The following LDLRAD4 variants were observed in gnomAD, a reference collection of about 807,000 sequenced individuals.
LDLRAD4 encodes low density lipoprotein receptor class A domain containing 4, also known as low-density lipoprotein receptor class A domain-containing protein 4.
LDLRAD4 carries 5 observed loss-of-function variants against 17.0 expected under a neutral mutation model. The observed-to-expected ratio is 0.29, with a 90% CI of 0.15 to 0.62. The LOEUF (loss-of-function observed/expected upper bound fraction) is 0.62. Ranked by LOEUF, LDLRAD4 falls within the 20% of genes least tolerant of loss-of-function variation. LDLRAD4 has a pLI of 0.84. For synonymous variants in LDLRAD4, 168 were observed against 171.8 expected, an observed-to-expected ratio of 0.98 and a Z score of 0.17; for missense variants, 340 against 424.7, an observed-to-expected ratio of 0.80 and a Z score of 1.75.
At chr18:13,415,805 A>C (rs1218032408) in intron 2 of LDLRAD4, among the ~76,000 whole-genome samples, 2 of 152,180 alleles carry the variant, frequency 1.3e-5, no homozygotes, top group Non-Finnish European at 2.9e-5. Flanking sequence ...CCCAGCAGGC[A>C]TCAGGGTGGG....
intron 3 of LDLRAD4, among the ~76,000 whole-genome samples, chr18:13,609,522 T>TGTGTGC (rs1307553995): frequency 1.5e-5 from 1 of 68,510 alleles, no homozygotes; most frequent in African/African-American, 4.8e-5. Context: ...ATTATGCGTG[T>TGTGTGC]GTGTGTGCGT....
intron 4 of LDLRAD4, among the ~76,000 whole-genome samples, chr18:13,637,871 CAAA>C (rs555640548): frequency 7.0e-5 from 5 of 71,644 alleles, no homozygotes; most frequent in Admixed American, 1.5e-4. Flanking sequence ...GTCTCAACAA[CAAA>C]AAAAAAAAAA....
chr18:13,218,572 G>C (rs992054493), upstream of LDLRAD4, among the ~76,000 whole-genome samples: 3 of 152,152 alleles, frequency 2.0e-5, no homozygotes, highest in Admixed American at 2.0e-4. Context: ...GGACCTGACC[G>C]GGGAGTTTGC....
intron 3 of LDLRAD4, chr18:13,521,291 T>G (rs1291454574): frequency 6.6e-6 from 1 of 152,154 alleles, no homozygotes; most frequent in East Asian, 1.9e-4. Flanking sequence ...TTTGCAAAAT[T>G]TGGTTGAGAA....
chr18:13,377,250 C>T (rs1053563102), intron 1 of LDLRAD4, among the ~76,000 whole-genome samples: 1 of 152,208 alleles, frequency 6.6e-6, no homozygotes, highest in African/African-American at 2.4e-5. Context: ...CTTCAGACAT[C>T]GGCTGAAATA....
At chr18:13,460,531 T>C (rs1419930674) in intron 3 of LDLRAD4, among the ~76,000 whole-genome samples, 1 of 152,280 alleles carries the variant, frequency 6.6e-6, no homozygotes, top group Non-Finnish European at 1.5e-5. Flanking sequence ...AGTGGACCCA[T>C]GTCATCTGAC....
At chr18:13,342,908 T>G (rs987855539) in intron 1 of LDLRAD4, among the ~76,000 whole-genome samples, 2 of 152,090 alleles carry the variant, frequency 1.3e-5, no homozygotes, top group Non-Finnish European at 2.9e-5. Context: ...TCTGTTTTTC[T>G]TATAGCTTTT....
chr18:13,561,178 C>A (rs558514654), intron 3 of LDLRAD4, among the ~76,000 whole-genome samples: 1 of 152,116 alleles, frequency 6.6e-6, no homozygotes, highest in Non-Finnish European at 1.5e-5. Flanking sequence ...TCAGGTTCCA[C>A]GTTTGAAAGG....
At chr18:13,620,889 AT>A in intron 3 of LDLRAD4, 1 of 587,910 alleles carries the variant, frequency 1.7e-6, no homozygotes, top group Non-Finnish European at 3.0e-6. Context: ...GTGGTGGGGG[AT>A]GGCAGAGGCT....
At chr18:13,273,708 A>G (rs973660225), upstream of LDLRAD4, among the ~76,000 whole-genome samples, 8 of 152,194 alleles carry the variant, frequency 5.3e-5, no homozygotes, top group African/African-American at 1.9e-4. Flanking sequence ...TGCCCAAACA[A>G]ATTTCCCATC....
intron 1 of LDLRAD4, among the ~76,000 whole-genome samples, chr18:13,254,093 C>T (rs909557913): frequency 2.6e-5 from 4 of 152,350 alleles, no homozygotes; most frequent in Middle Eastern, 3.4e-3. Flanking sequence ...GCATAAGCCC[C>T]GGCGAGATTC....
At position 13,399,568 on chromosome 18, in the gene LDLRAD4, G is replaced by T. The variant is rs1157736044; in HGVS notation, c.40+11806G>T. Among the ~76,000 whole-genome samples the T allele has an allele frequency of 2.0e-5, 3 of 152,286 alleles. No homozygotes were observed. In the East Asian group the frequency reaches 5.8e-4, roughly 29 times the overall value. Reference sequence around the variant, plus strand: ...TGGCAACAGGCAGTTGTTAGCCATCGACTCACTTTATTGACCAAACTTGGC... The same window carrying T: ...TGGCAACAGGCAGTTGTTAGCCATCTACTCACTTTATTGACCAAACTTGGC... On this transcript the variant is annotated intron_variant, in intron 2 of 5. Transcript: ENST00000359446.
intron 1 of LDLRAD4, among the ~76,000 whole-genome samples, chr18:13,265,675 C>T (rs928348858): frequency 2.6e-5 from 4 of 152,188 alleles, no homozygotes; most frequent in Non-Finnish European, 5.9e-5. Context: ...TCCCCAGGCA[C>T]GTTTCCGAGG....
At chr18:13,551,749 G>T (rs2094437127) in intron 3 of LDLRAD4, among the ~76,000 whole-genome samples, 1 of 152,158 alleles carries the variant, frequency 6.6e-6, no homozygotes, top group African/African-American at 2.4e-5. Flanking sequence ...ATGAATATGG[G>T]CCTATCAAGT....
chr18:13,438,382 A>G lies in LDLRAD4; in HGVS notation c.179A>G (p.Asn60Ser), dbSNP rs2090802813. Reference sequence around the variant, plus strand: ...GAGCACCCGCCTCCGGGCATCTTCAACTGTAAGTCTCTCCTCCCACCTGGG... The same window carrying G: ...GAGCACCCGCCTCCGGGCATCTTCAGCTGTAAGTCTCTCCTCCCACCTGGG... The change falls in exon 3 of 6, where the codon AAC (asparagine) becomes AGC (serine). Residue 60 changes from asparagine to serine, a missense_variant and splice_region_variant. Asn to Ser is a conservative substitution (Grantham distance 46, BLOSUM62 1). Coordinates refer to ENST00000359446, the Ensembl canonical transcript of LDLRAD4. 6 of 1,613,604 alleles carry G rather than the reference A, an allele frequency of 3.7e-6. No individual in the cohort carries two copies. The African/African-American group carries it at 4.0e-5, about 11-fold the overall frequency.
chr18:13,642,708 G>C, intron 4 of LDLRAD4: 1 of 1,231,626 alleles, frequency 8.1e-7, no homozygotes. Flanking sequence ...TCATCGGGCG[G>C]CCACTGAATG....
chr18:13,335,890 A>C (rs2082078836), intron 1 of LDLRAD4, among the ~76,000 whole-genome samples: 1 of 152,094 alleles, frequency 6.6e-6, no homozygotes, highest in Non-Finnish European at 1.5e-5. Context: ...CTAATTACTT[A>C]GTCTGTGTAG....
chr18:13,600,147 G>A (rs2095144491), intron 3 of LDLRAD4, among the ~76,000 whole-genome samples: 1 of 152,116 alleles, frequency 6.6e-6, no homozygotes, highest in African/African-American at 2.4e-5. Context: ...TAATATGCTT[G>A]CCTCAAATGT....
chr18:13,400,257 G>A (rs565247780), intron 2 of LDLRAD4, among the ~76,000 whole-genome samples: 6 of 152,354 alleles, frequency 3.9e-5, no homozygotes, highest in South Asian at 2.1e-4. Context: ...ATTCTTTAGC[G>A]TGGGGTAAAA....
Sources: allele counts gnomAD v4.1 joint callset (sites outside exome capture counted in the v4.1 genomes callset), GRCh38; gene constraint gnomAD v4.1.1; transcripts MANE v1.5; gene names NCBI Gene and HGNC (gene_info 2026-07-23, HGNC 2026-07-21).